The following PPP4R3A variants were observed in gnomAD, a reference collection of about 807,000 sequenced individuals.
PPP4R3A encodes protein phosphatase 4 regulatory subunit 3A.
A neutral mutation model predicts 91.7 loss-of-function variants in PPP4R3A; 15 were observed. The ratio of observed to expected loss-of-function variants is 0.16; its 90% confidence interval spans 0.11 to 0.25. The LOEUF (loss-of-function observed/expected upper bound fraction) is 0.25. Ranked by LOEUF, PPP4R3A falls within the 10% of genes least tolerant of loss-of-function variation. PPP4R3A has a pLI of 1.00. For synonymous variants in PPP4R3A, 377 were observed against 348.7 expected (o/e 1.08, Z -0.91); for missense variants, 623 against 998.4 (o/e 0.62, Z 5.07).
chr14:91,473,637 G>A (rs1336329285), intron 7 of PPP4R3A, among the ~76,000 whole-genome samples: 1 of 152,180 alleles, frequency 6.6e-6, no homozygotes, highest in Non-Finnish European at 1.5e-5. Flanking sequence ...TTAGTTTGGT[G>A]ATAATATATC....
chr14:91,475,245 C>T (rs1889116514), intron 7 of PPP4R3A: 1 of 152,306 alleles, frequency 6.6e-6, no homozygotes, highest in South Asian at 2.1e-4. Context: ...AGTGCTCTCA[C>T]ATGTCACGCA....
At chr14:91,484,231 T>C (rs912083487) in intron 3 of PPP4R3A, among the ~76,000 whole-genome samples, 3 of 152,200 alleles carry the variant, frequency 2.0e-5, no homozygotes, top group Non-Finnish European at 4.4e-5. Flanking sequence ...GACAGGTTAA[T>C]TTATGAAAAG....
At position 91,491,493 on chromosome 14, in the gene PPP4R3A, C is replaced by T. The variant is rs546613255; in HGVS notation, c.143-691G>A. Among the ~76,000 whole-genome samples, 4 of 152,246 alleles carry T rather than the reference C, an allele frequency of 2.6e-5. No individual in the cohort carries two copies. In the South Asian group the frequency reaches 6.2e-4, roughly 24 times the overall value. On this transcript the variant is annotated intron_variant, in intron 1 of 14. Transcript: ENST00000554943. ...CGCGATCTCGGCTCACTGCAACCTC[C>T]GCCTCCCAAGTTCAAGCGATTCTCC...
In PPP4R3A at chr14:91,473,291, A is replaced by G. The variant is rs1888963603; in HGVS notation, c.1346T>C (p.Met449Thr). 6.2e-7 allele frequency: 1 copy of G among 1,614,140 alleles called. No homozygotes were observed. The highest frequency in any genetic ancestry group is 8.5e-7 in the Non-Finnish European group (1 of 1,180,018). The change falls in exon 8 of 15, where the codon ATG becomes ACG. Residue 449 changes from methionine to threonine, a missense_variant. This residue lies in a region of PPP4R3A where 87 missense variants were observed against 233.9 expected (regional missense o/e 0.37). Coordinates refer to ENST00000554943, the MANE Select transcript of PPP4R3A (RefSeq NM_001366432.2). Reference sequence around the variant, plus strand: ...GTCAACTAAAGTTCGAAGCAGGCCCATAAGCTGGACTGCTCCTCCAAGTTC... The same window carrying G: ...GTCAACTAAAGTTCGAAGCAGGCCCGTAAGCTGGACTGCTCCTCCAAGTTC... ...DPELGGAVQL[M>T]GLLRTLVDPE...
At chr14:91,473,860 C>G (rs182032719) in intron 7 of PPP4R3A, among the ~76,000 whole-genome samples, 1 of 152,358 alleles carries the variant, frequency 6.6e-6, no homozygotes, top group East Asian at 1.9e-4. Flanking sequence ...ACCTCCACCT[C>G]CCGGGTTCAA....
chr14:91,475,510 G>T (rs976751865), intron 7 of PPP4R3A: 7 of 248,948 alleles, frequency 2.8e-5, no homozygotes, highest in Admixed American at 1.0e-4. Context: ...CCAGATACAA[G>T]AATTGATTGA....
rs948040063 is a variant in PPP4R3A, at chr14:91,461,784, C to T, written c.2165-177G>A. The T allele has an allele frequency of 3.6e-6, 3 of 836,864 alleles. No individual in the cohort carries two copies. In the African/African-American group the frequency reaches 5.2e-5, roughly 14 times the overall value. The allele number at this position is 836,864 out of a possible 1,614,324, so 51.8% of individuals were successfully genotyped here. On this transcript the variant is annotated intron_variant, in intron 13 of 14. Coordinates refer to ENST00000554943, the MANE Select transcript of PPP4R3A (RefSeq NM_001366432.2). ...CCACAATTCCATTCATTGGATCTTA[C>T]CCCAGAGAAGAATTGAAACCTTCAG...
intron 2 of PPP4R3A, among the ~76,000 whole-genome samples, chr14:91,488,305 T>C (rs1890023311): frequency 6.6e-6 from 1 of 152,212 alleles, no homozygotes; most frequent in Non-Finnish European, 1.5e-5. Context: ...CTCACTGGAC[T>C]AAAGTGCTGC....
chr14:91,497,341 T>TACACACACACACACACAC (rs10542688), intron 1 of PPP4R3A, among the ~76,000 whole-genome samples: 1 of 148,408 alleles, frequency 6.7e-6, no homozygotes, highest in East Asian at 2.0e-4. Context: ...ATCTTTTATT[T>TACACACACACACACACAC]ACACACACAC....
chr14:91,469,497 A>G (rs1308597466), intron 10 of PPP4R3A, among the ~76,000 whole-genome samples: 2 of 152,368 alleles, frequency 1.3e-5, no homozygotes, highest in South Asian at 2.1e-4. Flanking sequence ...AAAAATGAAT[A>G]TAATGTTGCC....
intron 1 of PPP4R3A, among the ~76,000 whole-genome samples, chr14:91,493,505 A>C (rs1890353448): frequency 1.3e-5 from 2 of 150,074 alleles, no homozygotes; most frequent in African/African-American, 5.0e-5. Context: ...CTGTCTCAAA[A>C]AACAAAGGCA....
At position 91,473,066 on chromosome 14, in the gene PPP4R3A, G is replaced by A; in HGVS notation, c.1468C>T (p.Leu490=). The A allele has an allele frequency of 6.2e-7, 1 of 1,614,074 alleles. No homozygotes were observed. Among genetic ancestry groups the A allele is most frequent in the Middle Eastern group, 1.6e-4 (1 of 6,062 alleles). The part of the protein sequence containing the change: ...HCMHVLTAPL[L]ANTTEDKPSK... ...GGTTTGTCTTCTGTTGTATTTGCTA[G>A]TAAAGGAGCAGTGAGAACATGCATA... The change falls in exon 9 of 15, where the codon CTA becomes TTA. Residue 490 remains leucine (L), a synonymous_variant. Transcript: ENST00000554943.
intron 1 of PPP4R3A, among the ~76,000 whole-genome samples, chr14:91,497,841 T>C (rs985445484): frequency 7.2e-5 from 11 of 152,156 alleles, no homozygotes; most frequent in Non-Finnish European, 1.6e-4. Context: ...AAAAACAATC[T>C]ATACCAGCTG....
intron 1 of PPP4R3A, among the ~76,000 whole-genome samples, chr14:91,507,453 ATAT>A (rs1891431182): frequency 7.6e-6 from 1 of 131,344 alleles, no homozygotes; most frequent in Non-Finnish European, 1.6e-5. Context: ...ACTATATAGT[ATAT>A]ATACTATAAT....
At chr14:91,507,404 T>TGG (rs1566660288) in intron 1 of PPP4R3A, among the ~76,000 whole-genome samples, 2 of 78,318 alleles carry the variant, frequency 2.6e-5, no homozygotes, top group Non-Finnish European at 4.5e-5. Flanking sequence ...TGTACTATAA[T>TGG]TATATATACT....
chr14:91,509,990 G>T lies in PPP4R3A; in HGVS notation c.-343C>A. On this transcript the variant is annotated 5_prime_UTR_variant, in exon 1 of 15. Transcript: ENST00000554943. ...CCGTCACTGCCCTGCTCCCGCCTCC[G>T]CCATGATCTCCGCGAAGCAGCTTCC... 1.0e-6 allele frequency: 1 copy of T among 988,654 alleles called. No individual in the cohort carries two copies. The highest frequency in any genetic ancestry group is 1.2e-6 in the Non-Finnish European group (1 of 828,082). 61.2% of individuals were successfully genotyped at this position (988,654 alleles called of 1,614,324 possible).
intron 1 of PPP4R3A, among the ~76,000 whole-genome samples, chr14:91,493,677 A>C (rs1403922421): frequency 6.6e-6 from 1 of 150,804 alleles, no homozygotes; most frequent in Non-Finnish European, 1.5e-5. Context: ...CTATCTTTGT[A>C]GTCTTTCATT....
chr14:91,482,034 A>T lies in PPP4R3A; in HGVS notation c.457T>A (p.Ser153Thr). Residue 153 changes from serine (S) to threonine (T), a missense_variant, in exon 4 of 15, where the codon TCA becomes ACA. Physicochemically the swap from Ser to Thr is moderately conservative, Grantham distance 58 (BLOSUM62 1). This residue lies in a region of PPP4R3A where 264 missense variants were observed against 377.3 expected (regional missense o/e 0.70). Coordinates refer to ENST00000554943, the MANE Select transcript of PPP4R3A (RefSeq NM_001366432.2). Reference sequence around the variant, plus strand: ...GCAAGTTTTTCACGACGAAGAGGTGAAGGTAAAGATGATGCCACAAGTTCT... The same window carrying T: ...GCAAGTTTTTCACGACGAAGAGGTGTAGGTAAAGATGATGCCACAAGTTCT... Reference protein sequence around the residue: ...IAELVASSLPSPLRREKLALA... With the variant: ...IAELVASSLPTPLRREKLALA... The T allele has an allele frequency of 6.2e-7, 1 of 1,614,062 alleles. No homozygotes were observed. The highest frequency in any genetic ancestry group is 8.5e-7 in the Non-Finnish European group (1 of 1,180,020).
rs552079507 is a variant in PPP4R3A at position 91,499,977 on chromosome 14, A to G, written c.143-9175T>C. Among the ~76,000 whole-genome samples, 28 of 152,314 alleles carry G rather than the reference A, an allele frequency of 1.8e-4. No individual in the cohort carries two copies. In the East Asian group the frequency reaches 5.0e-3, roughly 27 times the overall value. On this transcript the variant is annotated intron_variant, in intron 1 of 14. Coordinates refer to ENST00000554943, the MANE Select transcript of PPP4R3A (RefSeq NM_001366432.2). Reference sequence around the variant, plus strand: ...GGGATTGGAGATAAAGATGGCTGGTAGTACAGAGTGAGGTATCCTTCTAAC... The same window carrying G: ...GGGATTGGAGATAAAGATGGCTGGTGGTACAGAGTGAGGTATCCTTCTAAC...
Sources: gnomAD v4.1 joint callset for allele counts (sites outside exome capture counted in the v4.1 genomes callset) on GRCh38, gnomAD v4.1.1 for gene constraint, gnomAD v4.1.1 regional missense constraint, MANE v1.5 for transcripts, NCBI Gene and HGNC (gene_info 2026-07-23, HGNC 2026-07-21) for gene names.